ASIP: variants seen among roughly 807,000 people sequenced by gnomAD.
ASIP encodes the protein agouti-signaling protein.
In ASIP, 11 loss-of-function variants were observed where a neutral mutation model predicts 10.3. That is an observed-to-expected ratio of 1.07 (90% CI 0.68 to 1.78). ASIP has a LOEUF of 1.78. Ranked by LOEUF, ASIP falls within the 40% of genes most tolerant of loss-of-function variation. ASIP has a pLI of 0.00. For missense variants in ASIP, 180 were observed against 169.2 expected (o/e 1.06, Z -0.35); for synonymous variants, 70 against 70.8 (o/e 0.99, Z 0.06).
upstream of ASIP, among the ~76,000 whole-genome samples, chr20:34,192,801 G>T (rs968503779): frequency 6.6e-6 from 1 of 152,008 alleles, no homozygotes; most frequent in African/African-American, 2.4e-5. Flanking sequence ...GATCCCCCAA[G>T]CTTTAAAACA....
intron 1 of ASIP, among the ~76,000 whole-genome samples, chr20:34,222,542 A>G (rs1260412094): frequency 1.3e-5 from 2 of 152,202 alleles, no homozygotes; most frequent in African/African-American, 4.8e-5. Context: ...TTCAGGCCCT[A>G]GATTCTAAGA....
intron 3 of ASIP, among the ~76,000 whole-genome samples, chr20:34,265,814 G>C (rs1192217009): frequency 6.6e-6 from 1 of 152,060 alleles, no homozygotes; most frequent in Non-Finnish European, 1.5e-5. Flanking sequence ...GCTGGGTATG[G>C]TGCTGCACGC....
At chr20:34,261,578 G>A (rs2035692440) in intron 2 of ASIP, among the ~76,000 whole-genome samples, 2 of 152,124 alleles carry the variant, frequency 1.3e-5, no homozygotes, top group South Asian at 2.1e-4. Context: ...AGCCTACAAT[G>A]AGCCATGATT....
intron 3 of ASIP, among the ~76,000 whole-genome samples, chr20:34,266,001 G>A (rs1444018091): frequency 6.6e-6 from 1 of 151,902 alleles, no homozygotes; most frequent in Non-Finnish European, 1.5e-5. Context: ...GTAAATTCTG[G>A]GTGAATGGAT....
At chr20:34,188,408 G>A in the ASIP span, among the ~76,000 whole-genome samples, 1 of 152,096 alleles carries the variant, frequency 6.6e-6, no homozygotes, top group Admixed American at 6.6e-5. Context: ...ATCACATCAT[G>A]GAAAAGTAAT....
intron 3 of ASIP, 70 bp downstream of exon 3, chr20:34,262,963 A>C: frequency 1.3e-6 from 2 of 1,559,762 alleles, no homozygotes; most frequent in Non-Finnish European, 1.8e-6. Flanking sequence ...GAGGACCCCC[A>C]ACCTCTGGCT....
chr20:34,204,509 G>A (rs1448013873), intron 1 of ASIP, among the ~76,000 whole-genome samples: 1 of 152,172 alleles, frequency 6.6e-6, no homozygotes. Flanking sequence ...GTGAGCCACT[G>A]CTCCTGGCCC....
chr20:34,246,362 A>G, intron 1 of ASIP: 1 of 1,490,078 alleles, frequency 6.7e-7, no homozygotes, highest in South Asian at 1.2e-5. Flanking sequence ...TTCATTTAGA[A>G]AATTCTTCTC....
At chr20:34,235,910 G>GAAT (rs2035194873) in intron 1 of ASIP, among the ~76,000 whole-genome samples, 2 of 109,296 alleles carry the variant, frequency 1.8e-5, no homozygotes, top group African/African-American at 1.9e-4. Flanking sequence ...AAGGAAGGAA[G>GAAT]GAAGGAAGGA....
At chr20:34,190,946 G>A (rs1329471440), upstream of ASIP, among the ~76,000 whole-genome samples, 1 of 152,148 alleles carries the variant, frequency 6.6e-6, no homozygotes, top group African/African-American at 2.4e-5. Context: ...AATTGGTAAG[G>A]GAGGGACTGG....
chr20:34,238,640 G>A (rs1275658157), upstream of ASIP, among the ~76,000 whole-genome samples: 1 of 151,784 alleles, frequency 6.6e-6, no homozygotes, highest in African/African-American at 2.4e-5. Context: ...TGTCTAGTAG[G>A]TCTGCCATGA....
intron 1 of ASIP, among the ~76,000 whole-genome samples, chr20:34,208,052 C>T (rs868210531): frequency 6.6e-6 from 1 of 152,186 alleles, no homozygotes. Context: ...GCTGAGATTA[C>T]AGGTGTGAGC....
At chr20:34,256,615 T>A (rs990193300) in intron 1 of ASIP, among the ~76,000 whole-genome samples, 4 of 152,140 alleles carry the variant, frequency 2.6e-5, no homozygotes, top group Non-Finnish European at 5.9e-5. Context: ...TTTTTCTAGC[T>A]CAGATTTTCC....
intron 3 of ASIP, 138 bp downstream of exon 3, chr20:34,263,031 A>G (rs2035722445): frequency 3.9e-6 from 4 of 1,017,140 alleles, no homozygotes; most frequent in Non-Finnish European, 5.7e-6. Flanking sequence ...GAAAGCTACT[A>G]AAGACTTCCT....
Position 34,251,551 on chromosome 20 carries a change from G to T in ASIP, c.-10-8814G>T, listed in dbSNP as rs926809646. ...GGCCTCCCAAAGTGCTGGGATTACA[G>T]GCATGAGCCACCGCGCCTGACCTTC... On this transcript the variant is annotated intron_variant, in intron 1 of 3. Transcript: ENST00000374954. 6.6e-5 allele frequency among the ~76,000 whole-genome samples: 10 copies of T among 152,298 alleles called. No homozygotes were observed. The East Asian group carries it at 1.7e-3, about 26-fold the overall frequency.
At chr20:34,213,545 C>CG in intron 1 of ASIP, 1 of 1,533,012 alleles carries the variant, frequency 6.5e-7, no homozygotes, top group Non-Finnish European at 8.9e-7. Context: ...AGTAGCACTT[C>CG]AAAAATTGCA....
chr20:34,200,656 TGA>T (rs2034886249), intron 1 of ASIP, among the ~76,000 whole-genome samples: 1 of 152,262 alleles, frequency 6.6e-6, no homozygotes, highest in Non-Finnish European at 1.5e-5. Context: ...TACTTTGTAC[TGA>T]GAGAACTTGC....
intron 3 of ASIP, among the ~76,000 whole-genome samples, chr20:34,265,446 C>T (rs1252929781): frequency 6.6e-6 from 1 of 152,020 alleles, no homozygotes; most frequent in African/African-American, 2.4e-5. Context: ...ATCGCTTGAG[C>T]CTGGGATATC....
chr20:34,222,862 G>A (rs1312685540), intron 1 of ASIP, among the ~76,000 whole-genome samples: 1 of 152,046 alleles, frequency 6.6e-6, no homozygotes, highest in Admixed American at 6.5e-5. Context: ...GCCCCTAACC[G>A]CGAGTGATCC....
Sources: allele counts gnomAD v4.1 joint callset (sites outside exome capture counted in the v4.1 genomes callset), GRCh38; gene constraint gnomAD v4.1.1; transcripts MANE v1.5; gene names NCBI Gene and HGNC (gene_info 2026-07-23, HGNC 2026-07-21).